The following ZNF142 variants were observed in gnomAD, a reference collection of about 807,000 sequenced individuals.
ZNF142 encodes the protein zinc finger protein 142.
A neutral mutation model predicts 132.1 loss-of-function variants in ZNF142; 96 were observed. That is an observed-to-expected ratio of 0.73 (90% CI 0.62 to 0.86). The LOEUF is 0.86. Among genes scored for constraint, ZNF142 ranks in the 40% least tolerant of loss-of-function variants. The pLI is 0.00. For missense variants in ZNF142, 2,163 were observed against 2,336.2 expected (o/e 0.93, Z 1.53); for synonymous variants, 842 against 890.1 (o/e 0.95, Z 0.96).
At position 218,635,873 on chromosome 2, in the gene ZNF142, G is replaced by T. The variant is rs1397189701; in HGVS notation, c.*2466C>A. ...TTGTGGATCCACTGGTGAAAGTGCA[G>T]ATCTTTGGCGTTCGTCTAGACACAG... On this transcript the variant is annotated 3_prime_UTR_variant, in exon 11 of 11. Coordinates refer to ENST00000411696, the MANE Select transcript of ZNF142 (RefSeq NM_001379659.1). The T allele has an allele frequency of 1.9e-6, 3 of 1,613,890 alleles. No homozygotes were observed. The highest frequency in any genetic ancestry group is 1.7e-5 in the Admixed American group (1 of 60,004).
intron 8 of ZNF142, among the ~76,000 whole-genome samples, chr2:218,645,292 C>T (rs1697639753): frequency 6.6e-6 from 1 of 152,150 alleles, no homozygotes; most frequent in African/African-American, 2.4e-5. Flanking sequence ...ACAAAGTAAG[C>T]CAGGAGCAGA....
At chr2:218,653,298 C>G (rs1938189579) in intron 4 of ZNF142, among the ~76,000 whole-genome samples, 1 of 151,314 alleles carries the variant, frequency 6.6e-6, no homozygotes, top group African/African-American at 2.4e-5. Flanking sequence ...AAATTTCAGG[C>G]CGGGCCTAGT....
At chr2:218,640,492 G>C (rs1219209027) in intron 10 of ZNF142, among the ~76,000 whole-genome samples, 172 bp downstream of exon 10, 2 of 152,190 alleles carry the variant, frequency 1.3e-5, no homozygotes, top group East Asian at 3.8e-4. Flanking sequence ...GATTCTGACA[G>C]GTCTTCAGTG....
At position 218,634,071 on chromosome 2, in the gene ZNF142, C is replaced by G; in HGVS notation, c.*4268G>C. On this transcript the variant is annotated 3_prime_UTR_variant, in exon 11 of 11. Transcript: ENST00000411696. This position sits in a 1 kb window ranked among gnomAD's most constrained non-coding sequence, Gnocchi z 4.0. ...GACTAGGGAAGTGGGAGATTCCACC[C>G]CACTTCCATCTCCCTCTCTATACCC... 8.3e-6 allele frequency: 13 copies of G among 1,574,150 alleles called. No individual in the cohort carries two copies. Among genetic ancestry groups the G allele is most frequent in the Non-Finnish European group, 1.0e-5 (12 of 1,159,510 alleles).
rs754836557 is a variant in ZNF142, at chr2:218,642,060, G to A, written c.5056C>T (p.Pro1686Ser). The A allele has an allele frequency of 2.0e-5, 33 of 1,614,166 alleles. 1 individual carries two copies. The South Asian group carries it at 3.5e-4, about 17-fold the overall frequency. ...GEKPYHCHLC[P>S]YACADPSRLK... ...CGAGAGGGATCAGCACAGGCATAGG[G>A]GCAGAGGTGACAGTGGTAAGGCTTT... is the stretch of plus-strand genomic sequence containing the variant. Residue 1686 changes from proline to serine, a missense_variant, in exon 9 of 11, where the codon CCC (proline) becomes TCC (serine). By Grantham distance (74) the Pro-to-Ser change is moderately conservative (BLOSUM62 -1). Coordinates refer to ENST00000411696, the MANE Select transcript of ZNF142 (RefSeq NM_001379659.1). This position sits in a 1 kb window ranked among gnomAD's most constrained non-coding sequence, Gnocchi z 4.6.
In ZNF142 at chr2:218,644,336, C is replaced by T. The variant is rs754196284; in HGVS notation, c.2780G>A (p.Gly927Glu). ...TTCCAGTCCATCTGGCCCTTCCAGT[C>T]CCAGGGGCCTGAACTCCATAGGGGC... Reference protein sequence around the residue: ...ETAPMEFRPLGLEGPDGLEGP... With the variant: ...ETAPMEFRPLELEGPDGLEGP... The change falls in exon 9 of 11, where the codon GGA becomes GAA. Residue 927 changes from glycine (G) to glutamate (E), a missense_variant. Transcript: ENST00000411696. The surrounding 1 kb of genome is among the most constrained non-coding windows in gnomAD (Gnocchi z 4.6). 1.2e-6 allele frequency: 2 copies of T among 1,614,124 alleles called. No individual in the cohort carries two copies. The highest frequency in any genetic ancestry group is 8.5e-7 in the Non-Finnish European group (1 of 1,180,012).
Position 218,644,117 on chromosome 2 carries a change from G to T in ZNF142, c.2999C>A (p.Ser1000Ter). ...CCTTAGGGCCTTGAGTAATGACTCT[G>T]ACTCAGGTAATGGGGGCAAGGGTGC... ...ETAPLPPLPE[S>*]ESLLKALRRQ... The change falls in exon 9 of 11, where the codon TCA becomes TAA. Residue 1000 changes from serine (S) to a stop codon, truncating the protein, a stop_gained. Coordinates refer to ENST00000411696, the MANE Select transcript of ZNF142 (RefSeq NM_001379659.1). LOFTEE classifies it high-confidence loss of function. This position sits in a 1 kb window ranked among gnomAD's most constrained non-coding sequence, Gnocchi z 4.6. 6.2e-7 allele frequency: 1 copy of T among 1,614,106 alleles called. No homozygotes were observed. The highest frequency in any genetic ancestry group is 8.5e-7 in the Non-Finnish European group (1 of 1,180,016).
chr2:218,635,463 C>T lies in ZNF142; in HGVS notation c.*2876G>A, dbSNP rs541118470. Among the ~76,000 whole-genome samples the T allele has an allele frequency of 9.2e-5, 14 of 152,172 alleles. No homozygotes were observed. The highest frequency in any genetic ancestry group is 2.6e-4 in the Admixed American group (4 of 15,282). On this transcript the variant is annotated 3_prime_UTR_variant, in exon 11 of 11. Transcript: ENST00000411696. ...AAGTGATTCTCCCATCTGAGCCTTC[C>T]GAGTAGCTGGGACTACAGGCGCCCG...
intron 5 of ZNF142, 79 bp from the exon 6 acceptor site, chr2:218,650,605 T>G (rs1309940317): frequency 3.0e-6 from 4 of 1,349,148 alleles, no homozygotes; most frequent in East Asian, 2.5e-5. Context: ...ACCTACTGGC[T>G]GAAATAATCA....
chr2:218,649,276 A>G lies in ZNF142; in HGVS notation c.1232T>C (p.Leu411Pro). The G allele has an allele frequency of 1.2e-6, 2 of 1,614,260 alleles. No individual in the cohort carries two copies. The highest frequency in any genetic ancestry group is 1.7e-6 in the Non-Finnish European group (2 of 1,180,044). Residue 411 changes from leucine (L) to proline (P), a missense_variant, in exon 7 of 11, where the codon CTG (leucine) becomes CCG (proline). Transcript: ENST00000411696. ...TSKSKLKTHL[L>P]RELGEKAHHC... ...GTGGGCCTTTTCACCCAGCTCCCGC[A>G]GCAGATGGGTCTTGAGCTTGCTCTT...
intron 5 of ZNF142, among the ~76,000 whole-genome samples, 158 bp from the exon 6 acceptor site, chr2:218,650,684 A>C (rs1937900117): frequency 6.6e-6 from 1 of 152,252 alleles, no homozygotes; most frequent in East Asian, 1.9e-4. Flanking sequence ...TCAAGATGAA[A>C]ATAGGAGGAC....
In ZNF142 at chr2:218,658,731, A is replaced by G. The variant is rs1176615117; in HGVS notation, c.-65T>C. 6.6e-6 allele frequency: 1 copy of G among 152,168 alleles called. No individual in the cohort carries two copies. Among genetic ancestry groups the G allele is most frequent in the African/African-American group, 2.4e-5 (1 of 41,442 alleles). The allele number at this position is 152,168 out of a possible 1,614,324, so 9.4% of individuals were successfully genotyped here. A position where few individuals can be genotyped will look rare whatever the true frequency, so the allele number is the denominator to read the frequency against. On this transcript the variant is annotated 5_prime_UTR_variant, in exon 3 of 11. The change abolishes the stop of an existing upstream ORF in the 5' untranslated region. Transcript: ENST00000411696. ...ATTATCGCTGTTCTGGGGAATCTTC[A>G]AGCTTGACCATACATGGCCTCCGGG...
rs1313664390 is a variant in ZNF142, at chr2:218,636,329, G to A, written c.*2010C>T. 2.5e-6 allele frequency: 4 copies of A among 1,614,022 alleles called. No homozygotes were observed. Among genetic ancestry groups the A allele is most frequent in the Non-Finnish European group, 3.4e-6 (4 of 1,179,902 alleles). The stretch of plus-strand genomic sequence containing the variant: ...GCTGCGTTTTGTGGTAATGGATTAT[G>A]ACTGGAAATCCCGAAATGACTTTAT... On this transcript the variant is annotated 3_prime_UTR_variant, in exon 11 of 11. Coordinates refer to ENST00000411696, the MANE Select transcript of ZNF142 (RefSeq NM_001379659.1).
Position 218,636,017 on chromosome 2 carries a change from G to A in ZNF142, c.*2322C>T. 6.3e-7 allele frequency: 1 copy of A among 1,578,766 alleles called. No homozygotes were observed. The highest frequency in any genetic ancestry group is 8.7e-7 in the Non-Finnish European group (1 of 1,155,526). ...CTGTCTTCCATTAAGTATAGCATCT[G>A]TTATTGCATGTCCCCACATGGGAGG... On this transcript the variant is annotated 3_prime_UTR_variant, in exon 11 of 11. Transcript: ENST00000411696.
Position 218,633,868 on chromosome 2 carries a change from A to T in ZNF142, c.*4471T>A. On this transcript the variant is annotated 3_prime_UTR_variant, in exon 11 of 11. Transcript: ENST00000411696. ...AAAAAGACAAGGTAGCTAAGGAGAGATGAAGGAGTTCAGAAACTCCTTAGA... is the reference window on the plus strand; with the variant it reads ...AAAAAGACAAGGTAGCTAAGGAGAGTTGAAGGAGTTCAGAAACTCCTTAGA... 1 of 1,390,836 alleles carries T rather than the reference A, an allele frequency of 7.2e-7. No homozygotes were observed. Among genetic ancestry groups the T allele is most frequent in the Non-Finnish European group, 9.9e-7 (1 of 1,006,818 alleles). 86.2% of individuals were successfully genotyped at this position (1,390,836 alleles called of 1,614,324 possible).
rs1938036206 is a variant in ZNF142, at chr2:218,651,925, C to G, written c.656G>C (p.Arg219Thr). Reference sequence around the variant, plus strand: ...GAAAGAACAGGGCACAGGAACTGCTCTGTGAGTCTGCCTCAGGTGGTGCTG... The same window carrying G: ...GAAAGAACAGGGCACAGGAACTGCTGTGTGAGTCTGCCTCAGGTGGTGCTG... ...GLQHHLRQTH[R>T]AVPVPCSFRG... is the part of the protein sequence containing the mutation. The change falls in exon 5 of 11, where the codon AGA (arginine) becomes ACA (threonine). Residue 219 changes from arginine (R) to threonine (T), a missense_variant. By Grantham distance (71) the Arg-to-Thr change is moderately conservative. Around this residue, in one of 7 missense-constraint regions of ZNF142, gnomAD observed 195 missense variants for 172.4 expected, o/e 1.13. Transcript: ENST00000411696. The G allele has an allele frequency of 8.1e-7, 1 of 1,241,082 alleles. No homozygotes were observed. Among genetic ancestry groups the G allele is most frequent in the Non-Finnish European group, 1.1e-6 (1 of 944,498 alleles). The allele number at this position is 1,241,082 out of a possible 1,614,324, so 76.9% of individuals were successfully genotyped here. A position where few individuals can be genotyped will look rare whatever the true frequency, so the allele number is the denominator to read the frequency against.
chr2:218,656,545 G>C, intron 3 of ZNF142, 82 bp from the exon 4 acceptor site: 2 of 1,024,512 alleles, frequency 2.0e-6, no homozygotes, highest in Non-Finnish European at 2.6e-6. Context: ...ACAGCCCAGT[G>C]CCCACCCACT....
intron 4 of ZNF142, among the ~76,000 whole-genome samples, chr2:218,655,290 C>T (rs1406184939): frequency 6.6e-6 from 1 of 152,002 alleles, no homozygotes; most frequent in Non-Finnish European, 1.5e-5. Flanking sequence ...GTCAAATTAG[C>T]TAATCTTTCC....
chr2:218,643,909 G>A lies in ZNF142; in HGVS notation c.3207C>T (p.Pro1069=), dbSNP rs746037190. ...GTTGCTTGAAGCTAGCCCCACACTC[G>A]GGGCACAGCAGGGGCTCTCGGCGGC... ...CQGRREPLLC[P]ECGASFKQQR... Residue 1069 remains proline (P), a synonymous_variant, in exon 9 of 11, where the codon CCC becomes CCT. Transcript: ENST00000411696. The A allele has an allele frequency of 8.7e-6, 14 of 1,614,020 alleles. No homozygotes were observed. Among genetic ancestry groups the A allele is most frequent in the East Asian group, 6.7e-5 (3 of 44,882 alleles).
Sources: gnomAD v4.1 joint callset for allele counts (sites outside exome capture counted in the v4.1 genomes callset) on GRCh38, gnomAD v4.1.1 for gene constraint, gnomAD v4.1.1 regional missense constraint, Gnocchi (gnomAD v3.1) non-coding constraint, MANE v1.5 for transcripts, NCBI Gene and HGNC (gene_info 2026-07-23, HGNC 2026-07-21) for gene names.